Variants in ENOX1 observed in about 807,000 individuals in gnomAD.
ENOX1 encodes the protein ecto-NOX disulfide-thiol exchanger 1.
A neutral mutation model predicts 82.5 loss-of-function variants in ENOX1; 42 were observed. The observed-to-expected ratio is 0.51, with a 90% CI of 0.40 to 0.66. The LOEUF (loss-of-function observed/expected upper bound fraction) is 0.66. Ranked by LOEUF, ENOX1 falls within the 30% of genes least tolerant of loss-of-function variation. ENOX1 has a pLI of 0.00. For missense variants in ENOX1, 608 were observed against 811.6 expected (o/e 0.75, Z 3.05); for synonymous variants, 271 against 282.2 (o/e 0.96, Z 0.40).
chr13:43,558,945 C>T (rs1371921022), intron 2 of ENOX1, among the ~76,000 whole-genome samples: 1 of 152,174 alleles, frequency 6.6e-6, no homozygotes, highest in South Asian at 2.1e-4. Context: ...GAGGACAAAA[C>T]AATATGAGGA....
At chr13:43,337,738 T>TAC (rs1238936029) in intron 9 of ENOX1, among the ~76,000 whole-genome samples, 7 of 151,936 alleles carry the variant, frequency 4.6e-5, no homozygotes, top group African/African-American at 7.3e-5. Context: ...ATTTTCATTT[T>TAC]ACACACACAC....
At chr13:43,706,885 G>A (rs912815423) in intron 1 of ENOX1, among the ~76,000 whole-genome samples, 2 of 152,204 alleles carry the variant, frequency 1.3e-5, no homozygotes, top group Non-Finnish European at 1.5e-5. Context: ...GTCCTGGATA[G>A]TGCAGTAAGG....
intron 2 of ENOX1, among the ~76,000 whole-genome samples, chr13:43,652,174 T>G (rs1364272647): frequency 6.6e-6 from 1 of 151,924 alleles, no homozygotes; most frequent in Admixed American, 6.6e-5. Flanking sequence ...GGTCACTTTT[T>G]TGGAGGGAAC....
intron 3 of ENOX1, among the ~76,000 whole-genome samples, chr13:43,454,858 T>TA (rs2057149822): frequency 6.9e-6 from 1 of 144,466 alleles, no homozygotes; most frequent in African/African-American, 2.6e-5. Context: ...TTTTTTTTTT[T>TA]ACACAATTAG....
chr13:43,339,684 C>G (rs1356936091), intron 9 of ENOX1, among the ~76,000 whole-genome samples: 1 of 152,116 alleles, frequency 6.6e-6, no homozygotes, highest in Non-Finnish European at 1.5e-5. Context: ...GGAGATCTTT[C>G]GGCACTGACA....
intron 1 of ENOX1, among the ~76,000 whole-genome samples, chr13:43,692,670 C>T (rs552477904): frequency 4.3e-4 from 65 of 152,088 alleles, no homozygotes; most frequent in Non-Finnish European, 8.2e-4. Flanking sequence ...AACAGGCATA[C>T]AAATTGCCTC....
Position 43,616,034 on chromosome 13 carries a change from A to G in ENOX1, c.-219+51445T>C, listed in dbSNP as rs546494354. 4.3e-5 allele frequency among the ~76,000 whole-genome samples: 6 copies of G among 139,778 alleles called. No individual in the cohort carries two copies. The East Asian group carries it at 1.3e-3, about 31-fold the overall frequency. The allele number at this position is 139,778 out of a possible 152,430, so 91.7% of individuals were successfully genotyped here. On this transcript the variant is annotated intron_variant, in intron 2 of 16. Transcript: ENST00000690772. ...TTGGTTCCAAGCCTTTGCTATTGTG[A>G]ACAGTGCTGCAATAAACATACGTGT...
intron 1 of ENOX1, among the ~76,000 whole-genome samples, chr13:43,718,283 A>G (rs1005968479): frequency 6.6e-6 from 1 of 152,166 alleles, no homozygotes; most frequent in African/African-American, 2.4e-5. Context: ...GCAACAGAAA[A>G]CCAAATACAA....
At chr13:43,336,704 G>A (rs943984485) in intron 9 of ENOX1, among the ~76,000 whole-genome samples, 16 of 152,296 alleles carry the variant, frequency 1.1e-4, no homozygotes, top group African/African-American at 3.4e-4. Flanking sequence ...ATCCAGAGAC[G>A]ATAAAGGATC....
In ENOX1 at chr13:43,536,144, G is replaced by C. The variant is rs573902405; in HGVS notation, c.-218-51992C>G. Among the ~76,000 whole-genome samples the C allele has an allele frequency of 2.6e-4, 40 of 152,234 alleles. 1 individual carries two copies. The highest frequency in any genetic ancestry group is 5.9e-5 in the Non-Finnish European group (4 of 68,008). ...ATTAAACCCAAATGATTATTTTTAA[G>C]TTAATGTAAAAACACTGTGGAAAAA... is the stretch of plus-strand genomic sequence containing the variant. On this transcript the variant is annotated intron_variant, in intron 2 of 16. Coordinates refer to ENST00000690772, the MANE Select transcript of ENOX1 (RefSeq NM_001347969.2).
intron 3 of ENOX1, among the ~76,000 whole-genome samples, chr13:43,464,891 G>GT (rs35126939): frequency 3.3e-5 from 5 of 152,136 alleles, no homozygotes; most frequent in Admixed American, 1.3e-4. Context: ...CAGTTTCTCA[G>GT]TTTTTTCTTG....
intron 5 of ENOX1, among the ~76,000 whole-genome samples, chr13:43,376,939 C>T (rs1465247290): frequency 1.3e-5 from 2 of 152,188 alleles, no homozygotes; most frequent in Non-Finnish European, 2.9e-5. Flanking sequence ...GCACTGGCCT[C>T]ACCTGTGACC....
chr13:43,335,768 C>CA (rs386378967), intron 9 of ENOX1, among the ~76,000 whole-genome samples: 15,328 of 116,716 alleles, frequency 0.13, 907 homozygotes, highest in Middle Eastern at 0.23. Flanking sequence ...GGAAGGATAC[C>CA]AAAAAAAAAA....
intron 2 of ENOX1, among the ~76,000 whole-genome samples, chr13:43,493,952 G>C (rs769589508): frequency 6.6e-6 from 1 of 152,112 alleles, no homozygotes; most frequent in South Asian, 2.1e-4. Flanking sequence ...GAAGGTAAAG[G>C]GGAAGCAAGG....
chr13:43,422,223 T>G (rs932536827), intron 3 of ENOX1, among the ~76,000 whole-genome samples: 4 of 152,148 alleles, frequency 2.6e-5, no homozygotes, highest in African/African-American at 9.7e-5. Flanking sequence ...TGGCAACCAA[T>G]GTAGGATCAC....
At chr13:43,594,517 C>T (rs988153459) in intron 2 of ENOX1, among the ~76,000 whole-genome samples, 7 of 152,166 alleles carry the variant, frequency 4.6e-5, no homozygotes, top group East Asian at 1.9e-4. Flanking sequence ...GGAAGAGGGG[C>T]TGAGGCTGAC....
chr13:43,392,200 A>T (rs924726787), intron 5 of ENOX1, among the ~76,000 whole-genome samples: 1 of 152,136 alleles, frequency 6.6e-6, no homozygotes, highest in Admixed American at 6.5e-5. Flanking sequence ...GCATTGTATT[A>T]TTTCCTTTAT....
chr13:43,779,747 T>C (rs1331051819), intron 1 of ENOX1, among the ~76,000 whole-genome samples: 2 of 152,218 alleles, frequency 1.3e-5, no homozygotes, highest in Non-Finnish European at 2.9e-5. Context: ...GTCTGTGTCT[T>C]CTGCCCTGCT....
intron 11 of ENOX1, among the ~76,000 whole-genome samples, chr13:43,315,536 AT>A (rs2047430414): frequency 6.6e-6 from 1 of 152,242 alleles, no homozygotes; most frequent in African/African-American, 2.4e-5. Context: ...CCTTCAAAAA[AT>A]ATCCTGATTT....
Sources: allele counts gnomAD v4.1 joint callset (sites outside exome capture counted in the v4.1 genomes callset), GRCh38; gene constraint gnomAD v4.1.1; transcripts MANE v1.5; gene names NCBI Gene and HGNC (gene_info 2026-07-23, HGNC 2026-07-21).